GPC6: variants seen among roughly 807,000 people sequenced by gnomAD.
The protein encoded by GPC6 is glypican 6.
GPC6 carries 14 observed loss-of-function variants against 55.2 expected under a neutral mutation model. That is an observed-to-expected ratio of 0.25 (90% confidence interval 0.17 to 0.40). GPC6 has a LOEUF of 0.40. Ranked by LOEUF, GPC6 falls within the 10% of genes least tolerant of loss-of-function variation. GPC6 has a pLI of 1.00. For missense variants in GPC6, 641 were observed against 708.5 expected, an observed-to-expected ratio of 0.90 and a Z score of 1.08; for synonymous variants, 278 against 259.6, an observed-to-expected ratio of 1.07 and a Z score of -0.68.
intron 1 of GPC6, among the ~76,000 whole-genome samples, chr13:93,437,081 T>C (rs1476124075): frequency 6.6e-6 from 1 of 152,152 alleles, no homozygotes; most frequent in African/African-American, 2.4e-5. Flanking sequence ...TTGATGTTAA[T>C]ATTGTAATTG....
rs147406802 is a variant in GPC6 at position 93,627,732 on chromosome 13, G to A, written c.319+82311G>A. Among the ~76,000 whole-genome samples the A allele has an allele frequency of 3.4e-3, 525 of 152,280 alleles. 1 individual carries two copies. The highest frequency in any genetic ancestry group is 5.7e-3 in the Non-Finnish European group (390 of 68,018). On this transcript the variant is annotated intron_variant, in intron 2 of 8. Coordinates refer to ENST00000377047, the MANE Select transcript of GPC6 (RefSeq NM_005708.5). ...TACTGATAAAAATTTTTACAGTGCT[G>A]TGCATCTAGCTCCAATTTTCCCATA...
At chr13:93,371,850 C>A (rs2139192290) in intron 1 of GPC6, among the ~76,000 whole-genome samples, 1 of 152,226 alleles carries the variant, frequency 6.6e-6, no homozygotes, top group Middle Eastern at 3.4e-3. Flanking sequence ...ATAGAGACCT[C>A]AGTAAATCTA....
intron 1 of GPC6, among the ~76,000 whole-genome samples, chr13:93,376,776 C>CT (rs58608553): frequency 0.098 from 13,719 of 139,688 alleles, 932 homozygotes; most frequent in East Asian, 0.22. Flanking sequence ...TTCTTGCTCA[C>CT]TTTTTTTTTT....
intron 4 of GPC6, among the ~76,000 whole-genome samples, chr13:94,193,492 T>C (rs1889466220): frequency 6.6e-6 from 1 of 152,152 alleles, no homozygotes; most frequent in South Asian, 2.1e-4. Context: ...GCACTCATAA[T>C]AACAGAACTT....
At chr13:94,219,876 A>G (rs1020070763) in intron 4 of GPC6, among the ~76,000 whole-genome samples, 2 of 152,168 alleles carry the variant, frequency 1.3e-5, no homozygotes, top group Non-Finnish European at 2.9e-5. Context: ...CCTGGCTTCC[A>G]AAAGTTTGTC....
chr13:93,681,456 A>G (rs550150417), intron 2 of GPC6, among the ~76,000 whole-genome samples: 9 of 152,292 alleles, frequency 5.9e-5, no homozygotes, highest in African/African-American at 2.2e-4. Context: ...CAAACTGATT[A>G]AGGAAGATAC....
Position 94,179,717 on chromosome 13 carries a change from C to G in GPC6, c.878-106632C>G, listed in dbSNP as rs16949580. On this transcript the variant is annotated intron_variant, in intron 4 of 8. Transcript: ENST00000377047. ...ATTTCTGTAGTTAGCTGAGAAAGCA[C>G]AACAGGAGGAAAATTTTGCTTTTGA... 1.1e-4 allele frequency among the ~76,000 whole-genome samples: 17 copies of G among 152,122 alleles called. No individual in the cohort carries two copies. In the East Asian group the frequency reaches 3.3e-3, roughly 29 times the overall value.
At chr13:94,240,158 C>T (rs1566581418) in intron 4 of GPC6, among the ~76,000 whole-genome samples, 1 of 152,068 alleles carries the variant, frequency 6.6e-6, no homozygotes, top group Non-Finnish European at 1.5e-5. Context: ...TCTCCTGCCA[C>T]ACTGAAGGGT....
At chr13:93,552,864 T>G (rs1227762066) in intron 2 of GPC6, among the ~76,000 whole-genome samples, 1 of 152,310 alleles carries the variant, frequency 6.6e-6, no homozygotes, top group East Asian at 1.9e-4. Context: ...TTTGAGTAAG[T>G]ATGGGTGAAT....
chr13:93,575,692 G>A (rs533618439), intron 2 of GPC6, among the ~76,000 whole-genome samples: 1 of 152,236 alleles, frequency 6.6e-6, no homozygotes, highest in South Asian at 2.1e-4. Context: ...TCTAGTCCAA[G>A]TACATCTTTG....
rs540753702 is a variant in GPC6 at position 93,443,638 on chromosome 13, C to T, written c.161-101625C>T. Reference sequence around the variant, plus strand: ...GTTTAAAATGAGAGTGAAATTTTTTCGTGGTGGGATTGTAAAAGATCAAGG... The same window carrying T: ...GTTTAAAATGAGAGTGAAATTTTTTTGTGGTGGGATTGTAAAAGATCAAGG... On this transcript the variant is annotated intron_variant, in intron 1 of 8. Transcript: ENST00000377047. Among the ~76,000 whole-genome samples, 4 of 152,156 alleles carry T rather than the reference C, an allele frequency of 2.6e-5. No individual in the cohort carries two copies. The East Asian group carries it at 5.8e-4, about 22-fold the overall frequency.
chr13:93,319,202 A>G (rs1879345047), intron 1 of GPC6, among the ~76,000 whole-genome samples: 1 of 151,956 alleles, frequency 6.6e-6, no homozygotes, highest in African/African-American at 2.4e-5. Flanking sequence ...AAATCTGTTC[A>G]CTCTGCAGTG....
At chr13:93,458,304 T>A (rs972441303) in intron 1 of GPC6, among the ~76,000 whole-genome samples, 1 of 152,136 alleles carries the variant, frequency 6.6e-6, no homozygotes, top group African/African-American at 2.4e-5. Context: ...TGTGAAAATG[T>A]CCTCCCCTAG....
intron 4 of GPC6, among the ~76,000 whole-genome samples, chr13:94,034,754 A>G (rs553279212): frequency 6.6e-6 from 1 of 152,204 alleles, no homozygotes; most frequent in East Asian, 1.9e-4. Flanking sequence ...ATTACTGTAA[A>G]TGATACTGTG....
chr13:93,463,842 A>T (rs1878804301), intron 1 of GPC6, among the ~76,000 whole-genome samples: 1 of 150,890 alleles, frequency 6.6e-6, no homozygotes, highest in Admixed American at 6.6e-5. Context: ...CATTTGCTTG[A>T]TTTATTTTCC....
chr13:94,120,675 A>G (rs1886600517), intron 4 of GPC6, among the ~76,000 whole-genome samples: 1 of 152,138 alleles, frequency 6.6e-6, no homozygotes, highest in African/African-American at 2.4e-5. Context: ...ATTGAATACA[A>G]CTGATAAAGG....
chr13:93,948,437 G>A, intron 3 of GPC6, among the ~76,000 whole-genome samples: 1 of 152,162 alleles, frequency 6.6e-6, no homozygotes, highest in East Asian at 1.9e-4. Flanking sequence ...ATTCCTAGCT[G>A]TGGATTCATT....
intron 6 of GPC6, among the ~76,000 whole-genome samples, chr13:94,361,188 A>G (rs1879043566): frequency 6.6e-6 from 1 of 152,128 alleles, no homozygotes; most frequent in African/African-American, 2.4e-5. Context: ...CACTGTTGTT[A>G]TCATAATTTT....
intron 1 of GPC6, among the ~76,000 whole-genome samples, chr13:93,305,675 G>C (rs1381489502): frequency 2.0e-5 from 3 of 152,104 alleles, no homozygotes; most frequent in Non-Finnish European, 4.4e-5. Flanking sequence ...CTTTCTTCTA[G>C]ATATGTTGTC....
Sources: allele counts gnomAD v4.1 joint callset (sites outside exome capture counted in the v4.1 genomes callset), GRCh38; gene constraint gnomAD v4.1.1; transcripts MANE v1.5; gene names NCBI Gene and HGNC (gene_info 2026-07-23, HGNC 2026-07-21).